Variants in PIGX observed in about 807,000 individuals in gnomAD.
PIGX encodes phosphatidylinositol glycan anchor biosynthesis class X, also known as GPI alpha-1,4-mannosyltransferase I, stabilizing subunit.
A neutral mutation model predicts 28.7 loss-of-function variants in PIGX; 24 were observed. That is an observed-to-expected ratio of 0.84 (90% CI 0.60 to 1.17). The LOEUF (loss-of-function observed/expected upper bound fraction) is 1.17, where lower values mean the gene tolerates loss of function less well. Among genes scored for constraint, PIGX ranks in the 50% most tolerant of loss-of-function variants. The pLI, the probability that PIGX is intolerant of heterozygous loss-of-function variation, is 0.00. For synonymous variants in PIGX, 127 were observed against 121.0 expected (o/e 1.05, Z -0.33); for missense variants, 305 against 317.8 (o/e 0.96, Z 0.31).
chr3:196,722,582 G>A, intron 3 of PIGX, 26 bp downstream of exon 3: 1 of 1,599,324 alleles, frequency 6.3e-7, no homozygotes, highest in South Asian at 1.1e-5. Flanking sequence ...GATTTTTTGG[G>A]AGAGAAATTA....
At chr3:196,732,283 A>G (rs192647251) in intron 5 of PIGX, among the ~76,000 whole-genome samples, 4 of 24,378 alleles carry the variant, frequency 1.6e-4, no homozygotes, top group African/African-American at 7.7e-4. Context: ...TTTTTTTTTT[A>G]TTTTATTTTT....
rs1192857241 is a variant in PIGX, at chr3:196,722,403, C to G, written c.177-12C>G. 3 of 1,592,938 alleles carry G rather than the reference C, an allele frequency of 1.9e-6. No individual in the cohort carries two copies. Among genetic ancestry groups the G allele is most frequent in the Non-Finnish European group, 2.6e-6 (3 of 1,164,818 alleles). On this transcript the variant is annotated splice_polypyrimidine_tract_variant and intron_variant, in intron 2 of 5. Coordinates refer to ENST00000392391, the MANE Select transcript of PIGX (RefSeq NM_017861.4). ...AATGAAGAGATTTACTTTCAATGTA[C>G]TTGTCTTACAGAGACCTTTTAATCA...
At chr3:196,721,796 A>G (rs1039424398) in intron 2 of PIGX, among the ~76,000 whole-genome samples, 2 of 151,706 alleles carry the variant, frequency 1.3e-5, no homozygotes, top group Non-Finnish European at 2.9e-5. Flanking sequence ...TCTGTCACCC[A>G]GGCTGGAGTA....
chr3:196,731,096 A>G lies in PIGX; in HGVS notation c.633+4A>G. ...GAACAAGATGAAGTATAAATCAGTA[A>G]GCTAATGTTTTATGTTGTTTTTTAG... On this transcript the variant is annotated splice_donor_region_variant and intron_variant, in intron 5 of 5. Transcript: ENST00000392391. 6.7e-7 allele frequency: 1 copy of G among 1,493,226 alleles called. No homozygotes were observed. The highest frequency in any genetic ancestry group is 1.4e-5 in the African/African-American group (1 of 72,718). The allele number at this position is 1,493,226 out of a possible 1,614,324, so 92.5% of individuals were successfully genotyped here.
In PIGX at chr3:196,733,351, T is replaced by G. The variant is rs1712885382; in HGVS notation, c.634-408T>G. ...GAAAAAGGAAATAAAAATATCCAAT[T>G]AAAAATCAAAGAAATAGTGGTCTCA... is the stretch of plus-strand genomic sequence containing the variant. On this transcript the variant is annotated intron_variant, in intron 5 of 5. Coordinates refer to ENST00000392391, the MANE Select transcript of PIGX (RefSeq NM_017861.4). The surrounding 1 kb of genome is among the most constrained non-coding windows in gnomAD (Gnocchi z 4.3). Among the ~76,000 whole-genome samples the G allele has an allele frequency of 6.6e-6, 1 of 152,160 alleles. No individual in the cohort carries two copies. Among genetic ancestry groups the G allele is most frequent in the African/African-American group, 2.4e-5 (1 of 41,444 alleles).
chr3:196,718,905 C>T lies in PIGX; in HGVS notation c.176+1984C>T, dbSNP rs187050638. 4.9e-4 allele frequency among the ~76,000 whole-genome samples: 75 copies of T among 152,200 alleles called. 1 individual carries two copies. In the East Asian group the frequency reaches 0.012, roughly 25 times the overall value. ...TCTTGATGAATTGGATGAATTGACC[C>T]TTTTATCTTTGTGTAATGTCTTTCT... On this transcript the variant is annotated intron_variant, in intron 2 of 5. Transcript: ENST00000392391.
In PIGX at chr3:196,712,489, A is replaced by C; in HGVS notation, c.-44A>C. ...CGGCCAGGCCCCTTCCTGCGTCCGC[A>C]CCTGGCCCCGCGCGCCCCTCTCGGG... On this transcript the variant is annotated 5_prime_UTR_variant, in exon 1 of 6. Transcript: ENST00000392391. 2.0e-6 allele frequency: 2 copies of C among 980,566 alleles called. No individual in the cohort carries two copies. The highest frequency in any genetic ancestry group is 2.6e-6 in the Non-Finnish European group (2 of 781,126). 60.7% of individuals were successfully genotyped at this position (980,566 alleles called of 1,614,324 possible). A position where few individuals can be genotyped will look rare whatever the true frequency, so the allele number is the denominator to read the frequency against.
rs60317348 is a variant in PIGX, at chr3:196,735,294, C to CAAAAAAAAAAAAAAAAAAAAAA, written c.*1401_*1422dup. ...TGGGCGACAGAGTGAGACTCTGTCT[C>CAAAAAAAAAAAAAAAAAAAAAA]AAAAAAAAAAAAAAAAAAAAAAAAA... On this transcript the variant is annotated 3_prime_UTR_variant, in exon 6 of 6. Transcript: ENST00000392391. The CAAAAAAAAAAAAAAAAAAAAAA allele has an allele frequency of 3.1e-4, 14 of 45,234 alleles. 4 individuals are homozygous for CAAAAAAAAAAAAAAAAAAAAAA. The East Asian group carries it at 7.7e-3, about 25-fold the overall frequency. The allele number at this position is 45,234 out of a possible 1,614,324, so 2.8% of individuals were successfully genotyped here.
intron 5 of PIGX, among the ~76,000 whole-genome samples, chr3:196,732,228 A>T (rs1169557481): frequency 3.3e-4 from 12 of 36,070 alleles, no homozygotes; most frequent in African/African-American, 1.4e-3. Context: ...ATATATATAT[A>T]TATATATATA....
At chr3:196,718,505 C>A (rs578196811) in intron 2 of PIGX, among the ~76,000 whole-genome samples, 1 of 152,098 alleles carries the variant, frequency 6.6e-6, no homozygotes, top group Non-Finnish European at 1.5e-5. Flanking sequence ...GAGGATCATA[C>A]AATTTTTATA....
chr3:196,732,216 T>TATATA (rs1553797075), intron 5 of PIGX, among the ~76,000 whole-genome samples: 23 of 51,378 alleles, frequency 4.5e-4, no homozygotes, highest in Non-Finnish European at 6.9e-4. Flanking sequence ...TATATATTAT[T>TATATA]TATATATATA....
intron 2 of PIGX, among the ~76,000 whole-genome samples, chr3:196,717,336 A>G (rs1380425075): frequency 2.6e-5 from 4 of 152,032 alleles, no homozygotes; most frequent in African/African-American, 7.2e-5. Flanking sequence ...TGCTTCCTCA[A>G]AGTTACTCAG....
Position 196,722,528 on chromosome 3 carries a change from C to T in PIGX, c.290C>T (p.Ala97Val), listed in dbSNP as rs1163937857. Residue 97 changes from alanine to valine, a missense_variant, in exon 3 of 6, where the codon GCT becomes GTT. By Grantham distance (64) the Ala-to-Val change is moderately conservative. Transcript: ENST00000392391. ...CTTTATGTGGATCCGTATGAGTTGG[C>T]TTCATTACGAGAGAGAAACATAACA... 1 of 1,613,486 alleles carries T rather than the reference C, an allele frequency of 6.2e-7. No individual in the cohort carries two copies. Among genetic ancestry groups the T allele is most frequent in the Admixed American group, 1.7e-5 (1 of 59,928 alleles).
Position 196,733,712 on chromosome 3 carries a change from C to T in PIGX, c.634-47C>T. 1 of 1,439,146 alleles carries T rather than the reference C, an allele frequency of 6.9e-7. No homozygotes were observed. Among genetic ancestry groups the T allele is most frequent in the Non-Finnish European group, 9.8e-7 (1 of 1,025,412 alleles). 89.1% of individuals were successfully genotyped at this position (1,439,146 alleles called of 1,614,324 possible). A position where few individuals can be genotyped will look rare whatever the true frequency, so the allele number is the denominator to read the frequency against. ...ACAGGCATGAGCTACCACACCGGGC[C>T]CATGACATGCATTTTCAATGTCTAA... On this transcript the variant is annotated intron_variant, in intron 5 of 5. Transcript: ENST00000392391. This position sits in a 1 kb window ranked among gnomAD's most constrained non-coding sequence, Gnocchi z 4.3.
chr3:196,728,576 C>G, intron 4 of PIGX: 1 of 688,078 alleles, frequency 1.5e-6, no homozygotes, highest in Non-Finnish European at 2.6e-6. Context: ...CTCTCTATCC[C>G]TTTCCTTTCT....
At chr3:196,724,158 G>A (rs1370855553) in intron 3 of PIGX, among the ~76,000 whole-genome samples, 2 of 151,894 alleles carry the variant, frequency 1.3e-5, no homozygotes, top group Non-Finnish European at 2.9e-5. Context: ...AGGATTACAG[G>A]TGCATGCCAC....
Position 196,731,110 on chromosome 3 carries a change from G to A in PIGX, c.633+18G>A, listed in dbSNP as rs2108688710. The A allele has an allele frequency of 2.9e-6, 4 of 1,377,622 alleles. No individual in the cohort carries two copies. Among genetic ancestry groups the A allele is most frequent in the Admixed American group, 1.7e-5 (1 of 58,704 alleles). 85.3% of individuals were successfully genotyped at this position (1,377,622 alleles called of 1,614,324 possible). A position where few individuals can be genotyped will look rare whatever the true frequency, so the allele number is the denominator to read the frequency against. On this transcript the variant is annotated intron_variant, in intron 5 of 5. Coordinates refer to ENST00000392391, the MANE Select transcript of PIGX (RefSeq NM_017861.4). ...ATAAATCAGTAAGCTAATGTTTTATGTTGTTTTTTAGATCATGTGCCTCAT... is the reference window on the plus strand; with the variant it reads ...ATAAATCAGTAAGCTAATGTTTTATATTGTTTTTTAGATCATGTGCCTCAT...
At position 196,735,290 on chromosome 3, in the gene PIGX, G is replaced by T. The variant is rs1222044551; in HGVS notation, c.*1388G>T. 4.1e-5 allele frequency: 2 copies of T among 48,316 alleles called. No individual in the cohort carries two copies. The highest frequency in any genetic ancestry group is 1.6e-3 in the East Asian group (1 of 636). The allele number at this position is 48,316 out of a possible 1,614,324, so 3.0% of individuals were successfully genotyped here. A position where few individuals can be genotyped will look rare whatever the true frequency, so the allele number is the denominator to read the frequency against. ...AGCCTGGGCGACAGAGTGAGACTCT[G>T]TCTCAAAAAAAAAAAAAAAAAAAAA... On this transcript the variant is annotated 3_prime_UTR_variant, in exon 6 of 6. Transcript: ENST00000392391.
intron 4 of PIGX, among the ~76,000 whole-genome samples, chr3:196,730,670 C>T (rs1712712099): frequency 6.6e-6 from 1 of 150,536 alleles, no homozygotes; most frequent in South Asian, 2.1e-4. Flanking sequence ...ATCGCTTGAA[C>T]CCAGGAGGTG....
Sources: gnomAD v4.1 joint callset for allele counts (sites outside exome capture counted in the v4.1 genomes callset) on GRCh38, gnomAD v4.1.1 for gene constraint, Gnocchi (gnomAD v3.1) non-coding constraint, MANE v1.5 for transcripts, NCBI Gene and HGNC (gene_info 2026-07-23, HGNC 2026-07-21) for gene names.